Variants in TLX2 observed in about 807,000 individuals in gnomAD.
The protein encoded by TLX2 is T-cell leukemia homeobox protein 2.
TLX2 carries 15 observed loss-of-function variants against 21.7 expected under a neutral mutation model. The observed-to-expected ratio is 0.69, with a 90% CI of 0.46 to 1.07. The LOEUF (loss-of-function observed/expected upper bound fraction) is 1.07. Among genes scored for constraint, TLX2 ranks in the 50% least tolerant of loss-of-function variants. The pLI is 0.00. For synonymous variants in TLX2, 213 were observed against 193.1 expected, an observed-to-expected ratio of 1.10 and a Z score of -0.85; for missense variants, 384 against 409.1, an observed-to-expected ratio of 0.94 and a Z score of 0.53.
chr2:74,515,712 G>A lies in TLX2; in HGVS notation c.480G>A (p.Pro160=), dbSNP rs759324138. Residue 160 remains proline (P), a synonymous_variant, in exon 2 of 3, where the codon CCG becomes CCA. Transcript: ENST00000233638. This position sits in a 1 kb window ranked among gnomAD's most constrained non-coding sequence, Gnocchi z 6.6. ...GGACCCCTCCGAAGCGGAAGAAGCC[G>A]CGCACGTCCTTCTCCCGCTCACAGG... ...QNRTPPKRKK[P]RTSFSRSQVL... is the part of the protein sequence containing the mutation. 1.2e-6 allele frequency: 2 copies of A among 1,613,704 alleles called. No homozygotes were observed. The highest frequency in any genetic ancestry group is 4.5e-5 in the East Asian group (2 of 44,880).
rs774476899 is a variant in TLX2, at chr2:74,516,257, A to G, written c.*68A>G. ...GTGGAGCGCGCGGCTGCCTGCGTCC[A>G]TGGTCTAGTGGCAGCCGGGCGCGTG... is the stretch of plus-strand genomic sequence containing the variant. On this transcript the variant is annotated 3_prime_UTR_variant, in exon 3 of 3. Coordinates refer to ENST00000233638, the MANE Select transcript of TLX2 (RefSeq NM_016170.5). The G allele has an allele frequency of 3.9e-6, 6 of 1,558,208 alleles. No homozygotes were observed. The South Asian group carries it at 4.6e-5, about 12-fold the overall frequency.
chr2:74,516,162 A>C lies in TLX2; in HGVS notation c.828A>C (p.Ser276=). 1 of 1,610,704 alleles carries C rather than the reference A, an allele frequency of 6.2e-7. No individual in the cohort carries two copies. The highest frequency in any genetic ancestry group is 8.5e-7 in the Non-Finnish European group (1 of 1,179,058). The part of the protein sequence containing the change: ...QPWAEDNKVA[S]VSGLASVV ...GGGCCGAGGACAACAAAGTGGCTTC[A>C]GTGTCCGGGCTCGCCTCGGTGGTGT... Residue 276 remains serine (S), a synonymous_variant, in exon 3 of 3, where the codon TCA becomes TCC. Coordinates refer to ENST00000233638, the MANE Select transcript of TLX2 (RefSeq NM_016170.5).
At position 74,514,732 on chromosome 2, in the gene TLX2, C is replaced by A; in HGVS notation, c.-75C>A. The A allele has an allele frequency of 1.3e-6, 2 of 1,595,532 alleles. No homozygotes were observed. The highest frequency in any genetic ancestry group is 1.7e-6 in the Non-Finnish European group (2 of 1,172,212). On this transcript the variant is annotated 5_prime_UTR_variant, in exon 1 of 3. Coordinates refer to ENST00000233638, the MANE Select transcript of TLX2 (RefSeq NM_016170.5). The surrounding 1 kb of genome is among the most constrained non-coding windows in gnomAD (Gnocchi z 5.0). Reference sequence around the variant, plus strand: ...GAGGCCACTCTCCGGAGCGCGCCGCCGCTGGGCTTCTGGCGCTGCCTGAGG... The same window carrying A: ...GAGGCCACTCTCCGGAGCGCGCCGCAGCTGGGCTTCTGGCGCTGCCTGAGG...
In TLX2 at chr2:74,516,782, A is replaced by C. The variant is rs1444872174; in HGVS notation, c.*593A>C. On this transcript the variant is annotated 3_prime_UTR_variant, in exon 3 of 3. Transcript: ENST00000233638. Reference sequence around the variant, plus strand: ...TCCTGACTTTGAGCCTCACGTTGTCATGTGTGTTCAGCCTGCTGGCCACAT... The same window carrying C: ...TCCTGACTTTGAGCCTCACGTTGTCCTGTGTGTTCAGCCTGCTGGCCACAT... 1 of 164,150 alleles carries C rather than the reference A, an allele frequency of 6.1e-6. No homozygotes were observed. Among genetic ancestry groups the C allele is most frequent in the Non-Finnish European group, 1.3e-5 (1 of 75,586 alleles). The allele number at this position is 164,150 out of a possible 1,614,324, so 10.2% of individuals were successfully genotyped here.
Position 74,516,768 on chromosome 2 carries a change from A to G in TLX2, c.*579A>G. On this transcript the variant is annotated 3_prime_UTR_variant, in exon 3 of 3. Coordinates refer to ENST00000233638, the MANE Select transcript of TLX2 (RefSeq NM_016170.5). ...CGCTAAGGATTCCTTCCTGACTTTG[A>G]GCCTCACGTTGTCATGTGTGTTCAG... 6.0e-6 allele frequency: 1 copy of G among 167,364 alleles called. No homozygotes were observed. The highest frequency in any genetic ancestry group is 1.3e-4 in the South Asian group (1 of 7,926). The allele number at this position is 167,364 out of a possible 1,614,324, so 10.4% of individuals were successfully genotyped here. A position where few individuals can be genotyped will look rare whatever the true frequency, so the allele number is the denominator to read the frequency against.
Position 74,516,140 on chromosome 2 carries a change from CCG to C in TLX2, c.807_808del (p.Glu270GlyfsTer96). On this transcript the variant is annotated frameshift_variant, in exon 3 of 3. Coordinates refer to ENST00000233638, the MANE Select transcript of TLX2 (RefSeq NM_016170.5). LOFTEE classifies it high-confidence loss of function. Reference sequence around the variant, plus strand: ...GCGCTGCAGAACCTGCAGCCCTGGGCCGAGGACAACAAAGTGGCTTCAGTGTC... The same window carrying C: ...GCGCTGCAGAACCTGCAGCCCTGGGCAGGACAACAAAGTGGCTTCAGTGTC... 6.2e-7 allele frequency: 1 copy of C among 1,611,454 alleles called. No homozygotes were observed. Among genetic ancestry groups the C allele is most frequent in the Non-Finnish European group, 8.5e-7 (1 of 1,179,322 alleles).
chr2:74,515,021 G>T lies in TLX2; in HGVS notation c.215G>T (p.Ser72Ile). Residue 72 changes from serine to isoleucine, a missense_variant, in exon 1 of 3, where the codon AGC becomes ATC. Coordinates refer to ENST00000233638, the MANE Select transcript of TLX2 (RefSeq NM_016170.5). The surrounding 1 kb of genome is among the most constrained non-coding windows in gnomAD (Gnocchi z 6.6). ...GGCTCACTTGCCCCGCTGCCCGGCA[G>T]CTCCGGAGTGGGCCCAGGCGGCGTG... ...PAGSLAPLPG[S>I]SGVGPGGVIR... The T allele has an allele frequency of 6.5e-7, 1 of 1,528,402 alleles. No individual in the cohort carries two copies. The highest frequency in any genetic ancestry group is 8.8e-7 in the Non-Finnish European group (1 of 1,138,378). The allele number at this position is 1,528,402 out of a possible 1,614,324, so 94.7% of individuals were successfully genotyped here.
chr2:74,515,930 G>T lies in TLX2; in HGVS notation c.639-43G>T, dbSNP rs758773794. 2.7e-6 allele frequency: 4 copies of T among 1,506,264 alleles called. No individual in the cohort carries two copies. Among genetic ancestry groups the T allele is most frequent in the Non-Finnish European group, 2.6e-6 (3 of 1,134,770 alleles). The allele number at this position is 1,506,264 out of a possible 1,614,324, so 93.3% of individuals were successfully genotyped here. A position where few individuals can be genotyped will look rare whatever the true frequency, so the allele number is the denominator to read the frequency against. ...TCCCGAGCAGGGCCTGGTGAGAAGC[G>T]ACGCGGCGGGCGCCCCGCTGACCCC... On this transcript the variant is annotated intron_variant, in intron 2 of 2. Transcript: ENST00000233638. The surrounding 1 kb of genome is among the most constrained non-coding windows in gnomAD (Gnocchi z 6.6).
Position 74,516,580 on chromosome 2 carries a change from G to T in TLX2, c.*391G>T. ...GGCTCTGAGGGGCTCTAGCGGCGTT[G>T]CGCGCGGTGCCGGCTGGGTCTGTAC... is the stretch of plus-strand genomic sequence containing the variant. On this transcript the variant is annotated 3_prime_UTR_variant, in exon 3 of 3. Transcript: ENST00000233638. 1 of 1,120,698 alleles carries T rather than the reference G, an allele frequency of 8.9e-7. No individual in the cohort carries two copies. Among genetic ancestry groups the T allele is most frequent in the Non-Finnish European group, 1.1e-6 (1 of 895,626 alleles). 69.4% of individuals were successfully genotyped at this position (1,120,698 alleles called of 1,614,324 possible).
In TLX2 at chr2:74,515,981, CGG is replaced by C; in HGVS notation, c.648_649del (p.Ala217GlyfsTer149). ...GCGTCTCCCTCCCTTAGGCGCCAGACGGCGGAGGAGCGCGAGGCCGAGCGGCA... is the reference window on the plus strand; with the variant it reads ...GCGTCTCCCTCCCTTAGGCGCCAGACCGGAGGAGCGCGAGGCCGAGCGGCA... On this transcript the variant is annotated frameshift_variant, in exon 3 of 3. Coordinates refer to ENST00000233638, the MANE Select transcript of TLX2 (RefSeq NM_016170.5). LOFTEE classifies it high-confidence loss of function. This position sits in a 1 kb window ranked among gnomAD's most constrained non-coding sequence, Gnocchi z 6.6. 1 of 1,465,850 alleles carries C rather than the reference CGG, an allele frequency of 6.8e-7. No homozygotes were observed. 90.8% of individuals were successfully genotyped at this position (1,465,850 alleles called of 1,614,324 possible). A position where few individuals can be genotyped will look rare whatever the true frequency, so the allele number is the denominator to read the frequency against.
chr2:74,515,726 C>T lies in TLX2; in HGVS notation c.494C>T (p.Ser165Phe), dbSNP rs1378013232. ...PKRKKPRTSF[S>F]RSQVLELERR... is the part of the protein sequence containing the mutation. The stretch of plus-strand genomic sequence containing the variant: ...CGGAAGAAGCCGCGCACGTCCTTCT[C>T]CCGCTCACAGGTGCTGGAGTTGGAG... The change falls in exon 2 of 3, where the codon TCC becomes TTC. Residue 165 changes from serine to phenylalanine, a missense_variant. Ser to Phe is a radical substitution (Grantham distance 155). Transcript: ENST00000233638. This position sits in a 1 kb window ranked among gnomAD's most constrained non-coding sequence, Gnocchi z 6.6. 6.2e-7 allele frequency: 1 copy of T among 1,613,662 alleles called. No individual in the cohort carries two copies.
chr2:74,515,622 C>A lies in TLX2; in HGVS notation c.401-11C>A, dbSNP rs1261061565. 6.2e-7 allele frequency: 1 copy of A among 1,602,336 alleles called. No homozygotes were observed. The highest frequency in any genetic ancestry group is 1.7e-5 in the Admixed American group (1 of 59,114). On this transcript the variant is annotated splice_polypyrimidine_tract_variant and intron_variant, in intron 1 of 2. Coordinates refer to ENST00000233638, the MANE Select transcript of TLX2 (RefSeq NM_016170.5). This position sits in a 1 kb window ranked among gnomAD's most constrained non-coding sequence, Gnocchi z 6.6. ...TGCAAATCCTGCCCTGGTCTTTCTT[C>A]CTCCCGGTAGCTGCGCTCTCGCCCT...
Position 74,514,739 on chromosome 2 carries a change from C to T in TLX2, c.-68C>T, listed in dbSNP as rs1244350935. On this transcript the variant is annotated 5_prime_UTR_variant, in exon 1 of 3. Coordinates refer to ENST00000233638, the MANE Select transcript of TLX2 (RefSeq NM_016170.5). This position sits in a 1 kb window ranked among gnomAD's most constrained non-coding sequence, Gnocchi z 5.0. Reference sequence around the variant, plus strand: ...CTCTCCGGAGCGCGCCGCCGCTGGGCTTCTGGCGCTGCCTGAGGCATCCTC... The same window carrying T: ...CTCTCCGGAGCGCGCCGCCGCTGGGTTTCTGGCGCTGCCTGAGGCATCCTC... 8.1e-6 allele frequency: 13 copies of T among 1,601,722 alleles called. No individual in the cohort carries two copies. Among genetic ancestry groups the T allele is most frequent in the Admixed American group, 1.7e-5 (1 of 58,642 alleles).
At position 74,515,204 on chromosome 2, in the gene TLX2, C is replaced by A; in HGVS notation, c.398C>A (p.Thr133Lys). 1.3e-6 allele frequency: 2 copies of A among 1,540,312 alleles called. No individual in the cohort carries two copies. The highest frequency in any genetic ancestry group is 4.8e-5 in the East Asian group (2 of 41,620). Residue 133 changes from threonine to lysine, a missense_variant and splice_region_variant, in exon 1 of 3, where the codon ACG (threonine) becomes AAG (lysine). Physicochemically the swap from Thr to Lys is moderately conservative, Grantham distance 78 (BLOSUM62 -1). Transcript: ENST00000233638. This position sits in a 1 kb window ranked among gnomAD's most constrained non-coding sequence, Gnocchi z 6.6. ...SGRRFAKDRLTAALSPFSGTR... is the reference protein window; with the variant it reads ...SGRRFAKDRLKAALSPFSGTR... ...CGCCGCTTTGCCAAGGACCGGCTCA[C>A]GGGTGAGGTTGTCTGACCCCTCCAG...
rs1674835924 is a variant in TLX2, at chr2:74,514,750, G to T, written c.-57G>T. 4 of 1,606,674 alleles carry T rather than the reference G, an allele frequency of 2.5e-6. No individual in the cohort carries two copies. Among genetic ancestry groups the T allele is most frequent in the Admixed American group, 3.4e-5 (2 of 59,406 alleles). ...GCGCCGCCGCTGGGCTTCTGGCGCT[G>T]CCTGAGGCATCCTCCCCAACCACCG... On this transcript the variant is annotated 5_prime_UTR_variant, in exon 1 of 3. Coordinates refer to ENST00000233638, the MANE Select transcript of TLX2 (RefSeq NM_016170.5). The surrounding 1 kb of genome is among the most constrained non-coding windows in gnomAD (Gnocchi z 5.0).
In TLX2 at chr2:74,516,627, A is replaced by C. The variant is rs1409342422; in HGVS notation, c.*438A>C. The stretch of plus-strand genomic sequence containing the variant: ...GTACCAAAGGTGTGAAGGAAAGAAG[A>C]CACCGACCACGGCGAAGCAATAGAG... On this transcript the variant is annotated 3_prime_UTR_variant, in exon 3 of 3. Coordinates refer to ENST00000233638, the MANE Select transcript of TLX2 (RefSeq NM_016170.5). 3 of 770,816 alleles carry C rather than the reference A, an allele frequency of 3.9e-6. No individual in the cohort carries two copies. The highest frequency in any genetic ancestry group is 2.3e-4 in the East Asian group (2 of 8,580). 47.7% of individuals were successfully genotyped at this position (770,816 alleles called of 1,614,324 possible). A position where few individuals can be genotyped will look rare whatever the true frequency, so the allele number is the denominator to read the frequency against.
Position 74,516,333 on chromosome 2 carries a change from G to T in TLX2, c.*144G>T. 1.3e-6 allele frequency: 2 copies of T among 1,523,988 alleles called. No individual in the cohort carries two copies. Among genetic ancestry groups the T allele is most frequent in the Admixed American group, 2.0e-5 (1 of 50,118 alleles). The allele number at this position is 1,523,988 out of a possible 1,614,324, so 94.4% of individuals were successfully genotyped here. ...GTCGAGGGCTCCTCCACCACCGGCC[G>T]GCTCCCAAGCCAGCGTTGCGCAGAT... On this transcript the variant is annotated 3_prime_UTR_variant, in exon 3 of 3. Coordinates refer to ENST00000233638, the MANE Select transcript of TLX2 (RefSeq NM_016170.5).
In TLX2 at chr2:74,516,720, T is replaced by C; in HGVS notation, c.*531T>C. 1 of 199,748 alleles carries C rather than the reference T, an allele frequency of 5.0e-6. No individual in the cohort carries two copies. Among genetic ancestry groups the C allele is most frequent in the Non-Finnish European group, 1.0e-5 (1 of 99,036 alleles). 12.4% of individuals were successfully genotyped at this position (199,748 alleles called of 1,614,324 possible). On this transcript the variant is annotated 3_prime_UTR_variant, in exon 3 of 3. Coordinates refer to ENST00000233638, the MANE Select transcript of TLX2 (RefSeq NM_016170.5). ...CAGAGGGTTGTCCACCCCGGGCATC[T>C]CATCCCTCAACTGTAAAATAATCGC... is the stretch of plus-strand genomic sequence containing the variant.
chr2:74,514,675 G>A lies in TLX2; in HGVS notation c.-132G>A. 1 of 1,509,984 alleles carries A rather than the reference G, an allele frequency of 6.6e-7. No homozygotes were observed. 93.5% of individuals were successfully genotyped at this position (1,509,984 alleles called of 1,614,324 possible). A position where few individuals can be genotyped will look rare whatever the true frequency, so the allele number is the denominator to read the frequency against. On this transcript the variant is annotated 5_prime_UTR_variant, in exon 1 of 3. Coordinates refer to ENST00000233638, the MANE Select transcript of TLX2 (RefSeq NM_016170.5). The surrounding 1 kb of genome is among the most constrained non-coding windows in gnomAD (Gnocchi z 5.0). ...GGATGCTGCTGTTTCGGGGACCCCGGCGCCCTGCCTTGGCCAGCCCCGCGG... is the reference window on the plus strand; with the variant it reads ...GGATGCTGCTGTTTCGGGGACCCCGACGCCCTGCCTTGGCCAGCCCCGCGG...
Sources: allele counts gnomAD v4.1 joint callset, GRCh38; gene constraint gnomAD v4.1.1; non-coding constraint Gnocchi (gnomAD v3.1); transcripts MANE v1.5; gene names NCBI Gene and HGNC (gene_info 2026-07-23, HGNC 2026-07-21).